BEST2: variants seen among roughly 807,000 people sequenced by gnomAD.
The protein encoded by BEST2 is bestrophin 2.
BEST2 carries 36 observed loss-of-function variants against 49.0 expected under a neutral mutation model. The ratio of observed to expected loss-of-function variants is 0.73; its 90% CI spans 0.56 to 0.97. BEST2 has a LOEUF of 0.97. Ranked by LOEUF, BEST2 falls within the 50% of genes least tolerant of loss-of-function variation. BEST2 has a pLI of 0.00. For synonymous variants in BEST2, 335 were observed against 304.4 expected (o/e 1.10, Z -1.05); for missense variants, 672 against 710.0 (o/e 0.95, Z 0.61).
Position 12,758,030 on chromosome 19 carries a change from C to T in BEST2, c.1483C>T (p.Pro495Ser), listed in dbSNP as rs1241145188. 1.2e-6 allele frequency: 2 copies of T among 1,613,232 alleles called. No individual in the cohort carries two copies. The highest frequency in any genetic ancestry group is 1.7e-6 in the Non-Finnish European group (2 of 1,179,954). ...TMPGPRGPAP[P>S]WLPSPIGEEE... ...GCCCGGGCCCCGGGGTCCGGCGCCA[C>T]CCTGGCTGCCCAGCCCTATTGGCGA... Residue 495 changes from proline to serine, a missense_variant, in exon 10 of 10, where the codon CCC becomes TCC. Around this residue, in one of 3 missense-constraint regions of BEST2, gnomAD observed 291 missense variants for 279.8 expected, o/e 1.04. Coordinates refer to ENST00000553030, the MANE Select transcript of BEST2 (RefSeq NM_017682.3).
In BEST2 at chr19:12,752,625, C is replaced by A. The variant is rs750931656; in HGVS notation, c.33C>A (p.Asn11Lys). MTVTYTARVA[N>K]ARFGGFSQLL... Reference sequence around the variant, plus strand: ...TCACCTACACAGCCCGAGTGGCGAACGCCCGCTTCGGTGGCTTCTCCCAGC... The same window carrying A: ...TCACCTACACAGCCCGAGTGGCGAAAGCCCGCTTCGGTGGCTTCTCCCAGC... The change falls in exon 2 of 10, where the codon AAC (asparagine) becomes AAA (lysine). Residue 11 changes from asparagine (N) to lysine (K), a missense_variant. By Grantham distance (94) the Asn-to-Lys change is moderately conservative. Around this residue, in one of 3 missense-constraint regions of BEST2, gnomAD observed 365 missense variants for 390.9 expected, o/e 0.93. Transcript: ENST00000553030. 6.8e-6 allele frequency: 11 copies of A among 1,612,210 alleles called. No homozygotes were observed. The highest frequency in any genetic ancestry group is 2.0e-4 in the Middle Eastern group (1 of 4,988).
At position 12,757,832 on chromosome 19, in the gene BEST2, A is replaced by G. The variant is rs1967963980; in HGVS notation, c.1285A>G (p.Thr429Ala). 4.5e-6 allele frequency: 7 copies of G among 1,549,186 alleles called. No individual in the cohort carries two copies. The highest frequency in any genetic ancestry group is 6.1e-6 in the Non-Finnish European group (7 of 1,146,654). The change falls in exon 10 of 10, where the codon ACT becomes GCT. Residue 429 changes from threonine (T) to alanine (A), a missense_variant. This residue lies in a region of BEST2 where 291 missense variants were observed against 279.8 expected (regional missense o/e 1.04). Coordinates refer to ENST00000553030, the MANE Select transcript of BEST2 (RefSeq NM_017682.3). ...GAACAGCTGCGTGTCGGAGGCGTCT[A>G]CTGGGGCCAGCTGCTCATGCGCGGT... ...RKNSCVSEAS[T>A]GASCSCAVVP... is the part of the protein sequence containing the mutation.
At position 12,758,275 on chromosome 19, in the gene BEST2, C is replaced by T. The variant is rs1599460358; in HGVS notation, c.*198C>T. 4.7e-6 allele frequency: 3 copies of T among 633,756 alleles called. No individual in the cohort carries two copies. In the East Asian group the frequency reaches 8.8e-5, roughly 19 times the overall value. The allele number at this position is 633,756 out of a possible 1,614,324, so 39.3% of individuals were successfully genotyped here. On this transcript the variant is annotated 3_prime_UTR_variant, in exon 10 of 10. Coordinates refer to ENST00000553030, the MANE Select transcript of BEST2 (RefSeq NM_017682.3). ...GACTCTTGGACCAGCCCGCCCTGACCACCAGCTCTACTTCCCAACCCCCAC... is the reference window on the plus strand; with the variant it reads ...GACTCTTGGACCAGCCCGCCCTGACTACCAGCTCTACTTCCCAACCCCCAC...
In BEST2 at chr19:12,756,248, C is replaced by A. The variant is rs749679468; in HGVS notation, c.1056C>A (p.Val352=). 3 of 1,614,102 alleles carry A rather than the reference C, an allele frequency of 1.9e-6. No individual in the cohort carries two copies. In the South Asian group the frequency reaches 3.3e-5, roughly 18 times the overall value. ...GCGCCCCATACACAGCGGCTACTGT[C>A]TTCCAGCTGCGGCAGCCTTCCTTCC... The part of the protein sequence containing the change: ...EARAPYTAAT[V]FQLRQPSFQG... Residue 352 remains valine (V), a synonymous_variant, in exon 9 of 10, where the codon GTC becomes GTA. Transcript: ENST00000553030.
At chr19:12,754,326 C>A (rs2145703900) in intron 3 of BEST2, among the ~76,000 whole-genome samples, 1 of 152,166 alleles carries the variant, frequency 6.6e-6, no homozygotes, top group Admixed American at 6.5e-5. Flanking sequence ...CCCTCCTCAG[C>A]CTCCCAAGGA....
chr19:12,757,758 T>C lies in BEST2; in HGVS notation c.1211T>C (p.Met404Thr), dbSNP rs759055479. The C allele has an allele frequency of 2.6e-6, 4 of 1,544,612 alleles. No individual in the cohort carries two copies. The highest frequency in any genetic ancestry group is 3.5e-6 in the Non-Finnish European group (4 of 1,146,018). ...LQRLLPAGAG[M>T]VAGGPLGRRL... ...CGCCTCCTGCCGGCGGGCGCGGGCA[T>C]GGTCGCGGGAGGCCCGCTGGGCCGG... Residue 404 changes from methionine to threonine, a missense_variant, in exon 10 of 10, where the codon ATG (methionine) becomes ACG (threonine). Transcript: ENST00000553030.
In BEST2 at chr19:12,757,820, T is replaced by C; in HGVS notation, c.1273T>C (p.Ser425Pro). ...TCTACTCCGCAAGAACAGCTGCGTG[T>C]CGGAGGCGTCTACTGGGGCCAGCTG... The part of the protein sequence containing the change: ...SFLLRKNSCV[S>P]EASTGASCSC... The change falls in exon 10 of 10, where the codon TCG (serine) becomes CCG (proline). Residue 425 changes from serine to proline, a missense_variant. Ser to Pro is a moderately conservative substitution (Grantham distance 74, BLOSUM62 -1). This residue lies in a region of BEST2 where 291 missense variants were observed against 279.8 expected (regional missense o/e 1.04). Transcript: ENST00000553030. 1 of 1,549,074 alleles carries C rather than the reference T, an allele frequency of 6.5e-7. No individual in the cohort carries two copies. Among genetic ancestry groups the C allele is most frequent in the East Asian group, 2.4e-5 (1 of 40,894 alleles).
Position 12,755,876 on chromosome 19 carries a change from C to T in BEST2, c.889C>T (p.Pro297Ser), listed in dbSNP as rs1294590567. The T allele has an allele frequency of 6.2e-7, 1 of 1,614,208 alleles. No individual in the cohort carries two copies. The highest frequency in any genetic ancestry group is 1.1e-5 in the South Asian group (1 of 91,086). Residue 297 changes from proline to serine, a missense_variant, in exon 8 of 10, where the codon CCC becomes TCC. Pro to Ser is a moderately conservative substitution (Grantham distance 74). Around this residue, in one of 3 missense-constraint regions of BEST2, gnomAD observed 16 missense variants for 39.3 expected, o/e 0.41. Coordinates refer to ENST00000553030, the MANE Select transcript of BEST2 (RefSeq NM_017682.3). This position sits in a 1 kb window ranked among gnomAD's most constrained non-coding sequence, Gnocchi z 4.4. Reference protein sequence around the residue: ...WLKVAEQLINPFGEDDDDFET... With the variant: ...WLKVAEQLINSFGEDDDDFET... ...TCAGGTAGCTGAGCAGCTCATCAAC[C>T]CCTTCGGAGAGGACGATGATGACTT...
At chr19:12,753,704 A>T (rs1967899951) in intron 3 of BEST2, among the ~76,000 whole-genome samples, 1 of 151,938 alleles carries the variant, frequency 6.6e-6, no homozygotes, top group South Asian at 2.1e-4. Context: ...ATAGGACTCC[A>T]TCCTCTCAAT....
At chr19:12,753,176 AG>A in intron 2 of BEST2, 83 bp from the exon 3 acceptor site, 1 of 1,434,910 alleles carries the variant, frequency 7.0e-7, no homozygotes, top group Middle Eastern at 2.0e-4. Flanking sequence ...AAAAGAAGCC[AG>A]GGTGAGGGGC....
At chr19:12,756,109 C>T (rs962262063) in intron 8 of BEST2, 32 bp from the exon 9 acceptor site, 3 of 1,613,234 alleles carry the variant, frequency 1.9e-6, no homozygotes, top group African/African-American at 2.7e-5. Context: ...GTTGCCCTGC[C>T]CCCACTTTAC....
At chr19:12,754,477 C>G in intron 3 of BEST2, 75 bp from the exon 4 acceptor site, 2 of 1,261,658 alleles carry the variant, frequency 1.6e-6, no homozygotes, top group Non-Finnish European at 2.1e-6. Flanking sequence ...ACGTTGCCCC[C>G]TCTCCCACAA....
chr19:12,757,777 G>A lies in BEST2; in HGVS notation c.1230G>A (p.Leu410=), dbSNP rs1373549104. The A allele has an allele frequency of 1.9e-6, 3 of 1,545,896 alleles. No homozygotes were observed. Among genetic ancestry groups the A allele is most frequent in the Non-Finnish European group, 2.6e-6 (3 of 1,146,104 alleles). ...CGGGCATGGTCGCGGGAGGCCCGCT[G>A]GGCCGGCGCCTGTCCTTTCTACTCC... ...AGAGMVAGGP[L]GRRLSFLLRK... Residue 410 remains leucine (L), a synonymous_variant, in exon 10 of 10, where the codon CTG becomes CTA. Coordinates refer to ENST00000553030, the MANE Select transcript of BEST2 (RefSeq NM_017682.3).
At chr19:12,753,225 C>T (rs1198555105) in intron 2 of BEST2, 35 bp from the exon 3 acceptor site, 3 of 1,602,724 alleles carry the variant, frequency 1.9e-6, no homozygotes, top group Admixed American at 1.7e-5. Context: ...TGGAGTCACC[C>T]TTGTGACCTG....
intron 9 of BEST2, 78 bp downstream of exon 9, chr19:12,756,373 G>A: frequency 6.5e-7 from 1 of 1,544,514 alleles, no homozygotes; most frequent in Middle Eastern, 1.7e-4. Context: ...AAAAGGTTAA[G>A]TGGAATCAAT....
Position 12,757,909 on chromosome 19 carries a change from C to T in BEST2, c.1362C>T (p.Asp454=), listed in dbSNP as rs1037670042. 5 of 1,557,760 alleles carry T rather than the reference C, an allele frequency of 3.2e-6. No homozygotes were observed. In the African/African-American group the frequency reaches 5.4e-5, roughly 17 times the overall value. Residue 454 remains aspartate (D), a synonymous_variant, in exon 10 of 10, where the codon GAC becomes GAT. Transcript: ENST00000553030. ...GCAGCTGCGGGGACCCGCTGCTCGA[C>T]CCCGGCCTGCCGGAGCCCGAGGCCC... The part of the protein sequence containing the change: ...PECSCGDPLL[D]PGLPEPEAPP...
intron 4 of BEST2, 37 bp from the exon 5 acceptor site, chr19:12,754,840 G>T (rs373361895): frequency 1.3e-6 from 2 of 1,595,600 alleles, no homozygotes; most frequent in Non-Finnish European, 1.7e-6. Context: ...GGTGGAGGGG[G>T]GCAAGGGGCG....
chr19:12,757,482 A>G (rs948345548), intron 9 of BEST2, among the ~76,000 whole-genome samples, 169 bp from the exon 10 acceptor site: 2 of 152,238 alleles, frequency 1.3e-5, no homozygotes, highest in African/African-American at 4.8e-5. Flanking sequence ...TGAAGATCCA[A>G]GTTGAAGTGC....
chr19:12,757,570 T>G (rs1201024014), intron 9 of BEST2, 81 bp from the exon 10 acceptor site: 20 of 1,425,854 alleles, frequency 1.4e-5, no homozygotes, highest in Non-Finnish European at 1.8e-5. Flanking sequence ...GTGGGTGGAG[T>G]CAGGGAAATC....
Sources: allele counts gnomAD v4.1 joint callset (sites outside exome capture counted in the v4.1 genomes callset), GRCh38; gene constraint gnomAD v4.1.1; regional missense constraint gnomAD v4.1.1; non-coding constraint Gnocchi (gnomAD v3.1); transcripts MANE v1.5; gene names NCBI Gene and HGNC (gene_info 2026-07-23, HGNC 2026-07-21).